The following CELF4 variants were observed in gnomAD, a reference collection of about 807,000 sequenced individuals.
CELF4 encodes the protein CUGBP Elav-like family member 4, also known as CUG-BP- and ETR-3-like factor 4.
A neutral mutation model predicts 59.9 loss-of-function variants in CELF4; 18 were observed. The ratio of observed to expected loss-of-function variants is 0.30; its 90% CI spans 0.21 to 0.45. The LOEUF is 0.45. Among genes scored for constraint, CELF4 ranks in the 20% least tolerant of loss-of-function variants. The probability of loss-of-function intolerance (pLI) is 1.00; values close to 1 mark genes in which losing one functional copy is unlikely to be tolerated. For missense variants in CELF4, 456 were observed against 689.0 expected (o/e 0.66, Z 3.79); for synonymous variants, 261 against 267.1 (o/e 0.98, Z 0.22).
chr18:37,326,119 G>A (rs558186985), intron 2 of CELF4, among the ~76,000 whole-genome samples: 15 of 152,264 alleles, frequency 9.9e-5, no homozygotes, highest in Admixed American at 2.6e-4. Context: ...AGAGGAGGCC[G>A]GGCCAGGCTG....
chr18:37,320,335 CAAAA>C (rs397858112), intron 3 of CELF4, among the ~76,000 whole-genome samples: 1 of 65,260 alleles, frequency 1.5e-5, no homozygotes, highest in Non-Finnish European at 2.9e-5. Flanking sequence ...GACTCCATCT[CAAAA>C]AAAAAAAAAA....
chr18:37,456,507 A>G (rs9675537), intron 2 of CELF4, among the ~76,000 whole-genome samples: 16,337 of 151,532 alleles, frequency 0.11, 996 homozygotes, highest in African/African-American at 0.16. Flanking sequence ...CCCAAAGGGG[A>G]CTCTGTCAAA....
chr18:37,345,719 C>T (rs946131251), intron 2 of CELF4, among the ~76,000 whole-genome samples: 6 of 152,048 alleles, frequency 3.9e-5, no homozygotes, highest in African/African-American at 1.2e-4. Context: ...GAGCAGGTGT[C>T]CTGCTGCTCT....
chr18:37,332,823 C>T (rs1159241757), intron 2 of CELF4, among the ~76,000 whole-genome samples: 3 of 152,234 alleles, frequency 2.0e-5, no homozygotes, highest in Non-Finnish European at 4.4e-5. Flanking sequence ...GGCTGACGTG[C>T]CCCCACCTCT....
chr18:37,510,713 G>A (rs1175175356), intron 1 of CELF4, among the ~76,000 whole-genome samples: 1 of 140,498 alleles, frequency 7.1e-6, no homozygotes, highest in African/African-American at 2.6e-5. Flanking sequence ...TCTGCCCTGG[G>A]CTTCTGTTTT....
intron 3 of CELF4, chr18:37,275,991 G>A (rs1438009713): frequency 6.6e-6 from 1 of 152,244 alleles, no homozygotes; most frequent in African/African-American, 2.4e-5. Context: ...GGTGAATAAA[G>A]AATGAATGAC....
At chr18:37,300,447 A>G (rs1275807033) in intron 3 of CELF4, among the ~76,000 whole-genome samples, 1 of 152,078 alleles carries the variant, frequency 6.6e-6, no homozygotes, top group African/African-American at 2.4e-5. Context: ...CTGGTCTCGA[A>G]CTTCTGACCT....
At chr18:37,389,335 T>G (rs1258819561) in intron 2 of CELF4, among the ~76,000 whole-genome samples, 1 of 152,214 alleles carries the variant, frequency 6.6e-6, no homozygotes. Flanking sequence ...CCAGTCGGGC[T>G]GCCAAGCACT....
chr18:37,474,543 C>T (rs981585985), intron 2 of CELF4, among the ~76,000 whole-genome samples: 45 of 152,238 alleles, frequency 3.0e-4, no homozygotes, highest in Non-Finnish European at 4.4e-5. Flanking sequence ...GCTCTGGCGC[C>T]AGATCTCTCC....
At chr18:37,404,162 C>A (rs11660785) in intron 2 of CELF4, among the ~76,000 whole-genome samples, 21,399 of 152,246 alleles carry the variant, frequency 0.14, 2,385 homozygotes, top group East Asian at 0.52. Context: ...TTCATTAACC[C>A]TACATTATAG....
chr18:37,421,415 T>C (rs1290694063), intron 2 of CELF4, among the ~76,000 whole-genome samples: 4 of 152,236 alleles, frequency 2.6e-5, no homozygotes, highest in African/African-American at 9.6e-5. Flanking sequence ...ACTAACACCC[T>C]GGGCTCCGCA....
intron 2 of CELF4, among the ~76,000 whole-genome samples, chr18:37,404,644 CTT>C (rs1202123536): frequency 6.6e-6 from 1 of 152,200 alleles, no homozygotes; most frequent in Non-Finnish European, 1.5e-5. Flanking sequence ...ACCCCATACA[CTT>C]TGGTTCTTGG....
rs530990791 is a variant in CELF4, at chr18:37,350,598, CA to C, written c.370-28718del. On this transcript the variant is annotated intron_variant, in intron 2 of 12. Coordinates refer to ENST00000420428, the MANE Select transcript of CELF4 (RefSeq NM_020180.4). ...TCCCCTTTCTGAAATTTCCCGAGGCCACCAAGGTGGGGTTGCTCTGTTTTAC... is the reference window on the plus strand; with the variant it reads ...TCCCCTTTCTGAAATTTCCCGAGGCCCCAAGGTGGGGTTGCTCTGTTTTAC... 8.5e-5 allele frequency among the ~76,000 whole-genome samples: 13 copies of C among 152,304 alleles called. No homozygotes were observed. The East Asian group carries it at 2.5e-3, about 29-fold the overall frequency.
intron 1 of CELF4, among the ~76,000 whole-genome samples, chr18:37,499,088 A>G (rs539708650): frequency 6.6e-6 from 1 of 152,244 alleles, no homozygotes; most frequent in Admixed American, 6.5e-5. Context: ...TTTGGTTATA[A>G]CCACACTCAT....
chr18:37,444,249 T>C (rs536523951), intron 2 of CELF4, among the ~76,000 whole-genome samples: 17 of 152,204 alleles, frequency 1.1e-4, no homozygotes, highest in East Asian at 7.8e-4. Flanking sequence ...GGCACCTGTA[T>C]AGACCCCCTG....
At chr18:37,397,747 G>T (rs75623908) in intron 2 of CELF4, among the ~76,000 whole-genome samples, 2 of 152,334 alleles carry the variant, frequency 1.3e-5, no homozygotes, top group Admixed American at 6.5e-5. Flanking sequence ...CTTGTGAGGT[G>T]GGTATGTTGG....
In CELF4 at chr18:37,270,748, G is replaced by A; in HGVS notation, c.1099+20C>T. ...AAGAATGTGCTGCATACGGAAATAAGTGCTGACAGATGTGCTTACCTGGGT... is the reference window on the plus strand; with the variant it reads ...AAGAATGTGCTGCATACGGAAATAAATGCTGACAGATGTGCTTACCTGGGT... On this transcript the variant is annotated intron_variant, in intron 8 of 12. Transcript: ENST00000420428. The A allele has an allele frequency of 6.2e-7, 1 of 1,613,698 alleles. No homozygotes were observed. Among genetic ancestry groups the A allele is most frequent in the Non-Finnish European group, 8.5e-7 (1 of 1,179,880 alleles).
intron 3 of CELF4, among the ~76,000 whole-genome samples, chr18:37,308,850 G>C (rs1266177066): frequency 6.6e-6 from 1 of 152,160 alleles, no homozygotes; most frequent in Non-Finnish European, 1.5e-5. Flanking sequence ...GCCATGCCTG[G>C]TCAGGTTGGT....
intron 2 of CELF4, among the ~76,000 whole-genome samples, chr18:37,323,037 G>A (rs972888307): frequency 2.0e-5 from 3 of 152,166 alleles, no homozygotes; most frequent in African/African-American, 7.2e-5. Flanking sequence ...ACAGCGGCTG[G>A]ACCAGCCAGT....
Sources: gnomAD v4.1 joint callset for allele counts (sites outside exome capture counted in the v4.1 genomes callset) on GRCh38, gnomAD v4.1.1 for gene constraint, MANE v1.5 for transcripts, NCBI Gene and HGNC (gene_info 2026-07-23, HGNC 2026-07-21) for gene names.